The following TTC6 variants were observed in gnomAD, a reference collection of about 807,000 sequenced individuals.
TTC6 encodes the protein tetratricopeptide repeat protein 6.
A neutral mutation model predicts 210.4 loss-of-function variants in TTC6; 172 were observed. The observed-to-expected ratio is 0.82, with a 90% CI of 0.72 to 0.93. The LOEUF (loss-of-function observed/expected upper bound fraction) is 0.93. Ranked by LOEUF, TTC6 falls within the 40% of genes least tolerant of loss-of-function variation. The probability of loss-of-function intolerance (pLI) is 0.00; values close to 1 mark genes in which losing one functional copy is unlikely to be tolerated. For synonymous variants in TTC6, 804 were observed against 819.6 expected (o/e 0.98, Z 0.32); for missense variants, 2,414 against 2,318.1 (o/e 1.04, Z -0.85).
At chr14:37,706,626 G>C (rs2095836011) in intron 5 of TTC6, among the ~76,000 whole-genome samples, 1 of 152,078 alleles carries the variant, frequency 6.6e-6, no homozygotes, top group Non-Finnish European at 1.5e-5. Flanking sequence ...GAATGAGGTA[G>C]AATTTTGTAT....
At chr14:37,685,610 T>G (rs944407122) in intron 3 of TTC6, among the ~76,000 whole-genome samples, 1 of 152,224 alleles carries the variant, frequency 6.6e-6, no homozygotes, top group African/African-American at 2.4e-5. Flanking sequence ...GATAAACTTA[T>G]GCTTTGTGTC....
chr14:37,807,374 A>G (rs1278643377), exon 23 of TTC6: 15 of 1,531,088 alleles, frequency 9.8e-6, no homozygotes, highest in Non-Finnish European at 1.2e-5. Context: ...TTCCAAAGCA[A>G]TCTTGAATTG....
At chr14:37,724,020 TA>T (rs35910369) in intron 6 of TTC6, among the ~76,000 whole-genome samples, 8,661 of 150,812 alleles carry the variant, frequency 0.057, 377 homozygotes, top group Non-Finnish European at 0.09. Flanking sequence ...TTCACATCCC[TA>T]AAAAAAAATC....
intron 14 of TTC6, among the ~76,000 whole-genome samples, chr14:37,753,774 C>G (rs2095959471): frequency 6.8e-6 from 1 of 146,214 alleles, no homozygotes; most frequent in African/African-American, 2.5e-5. Context: ...GAAATGGGAT[C>G]TCGCTTTGTT....
At chr14:37,809,650 T>C (rs2096125794) in intron 24 of TTC6, among the ~76,000 whole-genome samples, 1 of 152,196 alleles carries the variant, frequency 6.6e-6, no homozygotes, top group Non-Finnish European at 1.5e-5. Flanking sequence ...GATGGAGTGA[T>C]GGTTTTCAGC....
chr14:37,734,116 A>G (rs2095895127), intron 7 of TTC6, among the ~76,000 whole-genome samples: 1 of 152,106 alleles, frequency 6.6e-6, no homozygotes, highest in Non-Finnish European at 1.5e-5. Context: ...TCTTCCTCCA[A>G]AGGACATTTT....
intron 14 of TTC6, among the ~76,000 whole-genome samples, chr14:37,772,106 T>C (rs2096021033): frequency 6.6e-6 from 1 of 152,158 alleles, no homozygotes; most frequent in Non-Finnish European, 1.5e-5. Flanking sequence ...GCCTCCCAGT[T>C]AGGCTGCTCG....
intron 1 of TTC6, among the ~76,000 whole-genome samples, chr14:37,629,557 G>A (rs1051217181): frequency 3.9e-5 from 6 of 152,158 alleles, no homozygotes; most frequent in African/African-American, 1.2e-4. Context: ...TGCAGACAGA[G>A]ACAATTTGAC....
intron 1 of TTC6, among the ~76,000 whole-genome samples, chr14:37,600,066 G>A (rs1457670746): frequency 1.3e-5 from 2 of 152,184 alleles, no homozygotes; most frequent in African/African-American, 2.4e-5. Flanking sequence ...AACCCCTAGG[G>A]CTAGGGGCCT....
intron 2 of TTC6, among the ~76,000 whole-genome samples, chr14:37,615,157 C>G (rs1324900524): frequency 1.3e-5 from 2 of 152,166 alleles, no homozygotes; most frequent in African/African-American, 4.8e-5. Flanking sequence ...TATTGTTTCC[C>G]TGTCAATAAT....
intron 3 of TTC6, among the ~76,000 whole-genome samples, chr14:37,696,231 A>C (rs2095814608): frequency 6.6e-6 from 1 of 152,190 alleles, no homozygotes; most frequent in South Asian, 2.1e-4. Flanking sequence ...CTTAAATCTA[A>C]TCTCAAAAAA....
At chr14:37,793,464 C>G (rs913039714) in intron 17 of TTC6, among the ~76,000 whole-genome samples, 1 of 152,192 alleles carries the variant, frequency 6.6e-6, no homozygotes, top group South Asian at 2.1e-4. Context: ...GGCTCTGCCT[C>G]CATTATCTAC....
chr14:37,765,327 T>A (rs1054415172), intron 14 of TTC6, among the ~76,000 whole-genome samples: 16 of 139,590 alleles, frequency 1.1e-4, no homozygotes, highest in Non-Finnish European at 2.2e-4. Context: ...CACACCTAAT[T>A]TTTTTTTTTT....
chr14:37,738,792 T>C (rs1219631793), exon 10 of TTC6: 2 of 1,502,104 alleles, frequency 1.3e-6, no homozygotes, highest in Non-Finnish European at 1.8e-6. Context: ...AAATCTTCTG[T>C]AGACTTGAGG....
At chr14:37,699,784 A>G (rs1234679522) in intron 4 of TTC6, among the ~76,000 whole-genome samples, 3 of 152,164 alleles carry the variant, frequency 2.0e-5, no homozygotes, top group Non-Finnish European at 4.4e-5. Flanking sequence ...GATGTTTTCT[A>G]TCTTCAAAAG....
chr14:37,650,835 C>T (rs548348947), intron 1 of TTC6, among the ~76,000 whole-genome samples: 6 of 152,158 alleles, frequency 3.9e-5, no homozygotes, highest in Admixed American at 6.5e-5. Context: ...AAATAACAGC[C>T]GTAGAACCAC....
At chr14:37,615,018 A>T (rs984212682) in intron 2 of TTC6, among the ~76,000 whole-genome samples, 1 of 152,180 alleles carries the variant, frequency 6.6e-6, no homozygotes, top group Non-Finnish European at 1.5e-5. Context: ...AAGTGCTGGG[A>T]TTACAGGCAT....
chr14:37,809,995 C>G (rs1219151301), intron 24 of TTC6, among the ~76,000 whole-genome samples: 2 of 152,204 alleles, frequency 1.3e-5, no homozygotes, highest in Admixed American at 1.3e-4. Flanking sequence ...TTCACACACT[C>G]TCCATTCTGT....
intron 6 of TTC6, among the ~76,000 whole-genome samples, chr14:37,720,870 A>G (rs1333418045): frequency 2.0e-5 from 3 of 152,136 alleles, no homozygotes; most frequent in Non-Finnish European, 2.9e-5. Context: ...GACAAGATGG[A>G]TCACTTGTGA....
Sources: allele counts gnomAD v4.1 joint callset (sites outside exome capture counted in the v4.1 genomes callset), GRCh38; gene constraint gnomAD v4.1.1; transcripts MANE v1.5; gene names NCBI Gene and HGNC (gene_info 2026-07-23, HGNC 2026-07-21).